Variants in STK39 observed in about 807,000 individuals in gnomAD.
STK39 encodes the protein STE20/SPS1-related proline-alanine-rich protein kinase.
Under a neutral mutation model 77.8 loss-of-function variants are expected in STK39, and 20 were observed. That is an observed-to-expected ratio of 0.26 (90% CI 0.18 to 0.37). STK39 has a LOEUF of 0.37. Ranked by LOEUF, STK39 falls within the 10% of genes least tolerant of loss-of-function variation. The probability of loss-of-function intolerance (pLI) is 1.00; values close to 1 mark genes in which losing one functional copy is unlikely to be tolerated. For synonymous variants in STK39, 246 were observed against 234.1 expected (o/e 1.05, Z -0.47); for missense variants, 479 against 656.5 (o/e 0.73, Z 2.95).
chr2:168,164,096 G>A (rs1361590166), intron 3 of STK39, among the ~76,000 whole-genome samples: 3 of 152,198 alleles, frequency 2.0e-5, no homozygotes, highest in Non-Finnish European at 4.4e-5. Context: ...TTAACGAGAA[G>A]GATTCTGGGT....
chr2:168,230,553 G>A (rs1033700799), intron 1 of STK39, among the ~76,000 whole-genome samples: 1 of 152,158 alleles, frequency 6.6e-6, no homozygotes, highest in Non-Finnish European at 1.5e-5. Context: ...AACCCAAATT[G>A]CTAACTTGTA....
intron 16 of STK39, among the ~76,000 whole-genome samples, chr2:168,005,416 GA>G (rs67590818): frequency 0.3 from 43,569 of 144,434 alleles, 7,733 homozygotes; most frequent in African/African-American, 0.51. Flanking sequence ...ACGCAGAGAG[GA>G]AAAAAAAAAA....
chr2:168,081,716 C>T (rs894056832), intron 10 of STK39, among the ~76,000 whole-genome samples: 1 of 152,104 alleles, frequency 6.6e-6, no homozygotes, highest in African/African-American at 2.4e-5. Flanking sequence ...ATTGTAACTC[C>T]CACAGTTCCC....
chr2:168,198,118 A>G (rs1229251953), intron 1 of STK39, among the ~76,000 whole-genome samples: 4 of 152,144 alleles, frequency 2.6e-5, no homozygotes, highest in East Asian at 1.9e-4. Context: ...TTGCCCAAAC[A>G]CAACTATTTT....
At chr2:168,231,652 A>G (rs1421678339) in intron 1 of STK39, among the ~76,000 whole-genome samples, 3 of 152,034 alleles carry the variant, frequency 2.0e-5, no homozygotes, top group Non-Finnish European at 4.4e-5. Context: ...TATGGAGAAC[A>G]GATCTTTGCT....
At chr2:168,029,406 T>C (rs1684778196) in intron 14 of STK39, among the ~76,000 whole-genome samples, 2 of 152,236 alleles carry the variant, frequency 1.3e-5, no homozygotes, top group Admixed American at 1.3e-4. Context: ...GAGTAATGTC[T>C]TCAACTTATG....
At position 168,114,890 on chromosome 2, in the gene STK39, G is replaced by A. The variant is rs114083313; in HGVS notation, c.1089+14651C>T. ...TGTTCTGGACAGAAGAGATTACAGT[G>A]ACAGAGTAATGGGCAAAACACCTTG... On this transcript the variant is annotated intron_variant, in intron 10 of 17. Transcript: ENST00000355999. 5.1e-3 allele frequency among the ~76,000 whole-genome samples: 783 copies of A among 152,268 alleles called. 9 individuals are homozygous for A. Among genetic ancestry groups the A allele is most frequent in the African/African-American group, 0.018 (750 of 41,546 alleles).
In STK39 at chr2:168,130,075, G is replaced by A. The variant is rs187427605; in HGVS notation, c.975-317C>T. ...AAAGGGGGCAGACTGACACATCTGT[G>A]AGCTAAATTTCTATATTTATTAAGA... On this transcript the variant is annotated intron_variant, in intron 8 of 17. Transcript: ENST00000355999. Among the ~76,000 whole-genome samples the A allele has an allele frequency of 2.5e-3, 379 of 152,250 alleles. 4 individuals are homozygous for A. The highest frequency in any genetic ancestry group is 8.8e-3 in the African/African-American group (366 of 41,558).
chr2:167,963,259 C>T (rs926162955), intron 17 of STK39, among the ~76,000 whole-genome samples: 7 of 152,076 alleles, frequency 4.6e-5, no homozygotes, highest in African/African-American at 1.7e-4. Context: ...GAGAGTTTTA[C>T]ATTATTCTTA....
At chr2:168,146,802 G>A (rs1248057878) in intron 5 of STK39, among the ~76,000 whole-genome samples, 2 of 152,146 alleles carry the variant, frequency 1.3e-5, no homozygotes, top group Non-Finnish European at 2.9e-5. Context: ...CATAGCCCAG[G>A]AGCAAAATCA....
At chr2:167,963,881 C>T (rs1692070659) in intron 17 of STK39, among the ~76,000 whole-genome samples, 1 of 152,190 alleles carries the variant, frequency 6.6e-6, no homozygotes, top group Admixed American at 6.5e-5. Flanking sequence ...TGTTGGTCAT[C>T]TAGATCTAAA....
chr2:168,231,038 TA>T lies in STK39; in HGVS notation c.208+16189del, dbSNP rs1690440949. Among the ~76,000 whole-genome samples, 3 of 152,162 alleles carry T rather than the reference TA, an allele frequency of 2.0e-5. No homozygotes were observed. In the South Asian group the frequency reaches 6.2e-4, roughly 32 times the overall value. On this transcript the variant is annotated intron_variant, in intron 1 of 17. Transcript: ENST00000355999. ...CTTTTACTTTTGCAATCCCTACCTC[TA>T]TGCCAACAGCTCACTGTAATCTCCA... is the stretch of plus-strand genomic sequence containing the variant.
At chr2:168,160,554 AG>A (rs1688543958) in intron 5 of STK39, among the ~76,000 whole-genome samples, 19 of 152,010 alleles carry the variant, frequency 1.2e-4, no homozygotes, top group Admixed American at 1.0e-3. Flanking sequence ...GCCACTGTTA[AG>A]ATCACTGGAC....
chr2:168,186,343 T>C (rs1689207260), intron 1 of STK39, among the ~76,000 whole-genome samples: 1 of 152,184 alleles, frequency 6.6e-6, no homozygotes, highest in South Asian at 2.1e-4. Context: ...TGGTATTTTG[T>C]TACAACAGCC....
intron 10 of STK39, among the ~76,000 whole-genome samples, chr2:168,104,725 C>T (rs971161608): frequency 6.6e-6 from 1 of 152,156 alleles, no homozygotes; most frequent in South Asian, 2.1e-4. Flanking sequence ...GTTTTAAAAA[C>T]CATGACATTC....
intron 1 of STK39, among the ~76,000 whole-genome samples, chr2:168,228,323 T>C (rs1690359938): frequency 6.6e-6 from 1 of 152,070 alleles, no homozygotes; most frequent in Admixed American, 6.5e-5. Flanking sequence ...TCTAAAAATA[T>C]CAATTTACAC....
chr2:168,236,891 C>T (rs1487705724), intron 1 of STK39, among the ~76,000 whole-genome samples: 4 of 152,072 alleles, frequency 2.6e-5, no homozygotes, highest in Non-Finnish European at 4.4e-5. Context: ...GTGATGCCTC[C>T]AGCTTTGTTC....
At chr2:168,152,257 G>C (rs1481104446) in intron 5 of STK39, among the ~76,000 whole-genome samples, 1 of 152,218 alleles carries the variant, frequency 6.6e-6, no homozygotes, top group Non-Finnish European at 1.5e-5. Context: ...TGTGGGGTGG[G>C]AGGACTATTT....
intron 16 of STK39, among the ~76,000 whole-genome samples, chr2:168,011,611 T>G (rs1233295880): frequency 6.6e-6 from 1 of 152,190 alleles, no homozygotes; most frequent in East Asian, 1.9e-4. Context: ...TTTTCTCAGA[T>G]GGCTATGTCT....
Sources: gnomAD v4.1 joint callset for allele counts (sites outside exome capture counted in the v4.1 genomes callset) on GRCh38, gnomAD v4.1.1 for gene constraint, MANE v1.5 for transcripts, NCBI Gene and HGNC (gene_info 2026-07-23, HGNC 2026-07-21) for gene names.